The following COMMD1 variants were observed in gnomAD, a reference collection of about 807,000 sequenced individuals.
COMMD1 encodes the protein COMM domain-containing protein 1.
COMMD1 carries 10 observed loss-of-function variants against 17.2 expected under a neutral mutation model. That is an observed-to-expected ratio of 0.58 (90% confidence interval 0.36 to 0.99). COMMD1 has a LOEUF of 0.99. Ranked by LOEUF, COMMD1 falls within the 50% of genes least tolerant of loss-of-function variation. The pLI, the probability that COMMD1 is intolerant of heterozygous loss-of-function variation, is 0.01. For synonymous variants in COMMD1, 97 were observed against 91.6 expected, an observed-to-expected ratio of 1.06 and a Z score of -0.34; for missense variants, 270 against 231.8, an observed-to-expected ratio of 1.17 and a Z score of -1.07.
At chr2:61,937,690 A>G (rs1670639080) in intron 1 of COMMD1, among the ~76,000 whole-genome samples, 1 of 152,212 alleles carries the variant, frequency 6.6e-6, no homozygotes, top group Admixed American at 6.5e-5. Context: ...TCTTGTTTTT[A>G]GTTTTAGTAT....
chr2:62,061,097 T>G (rs1670843321), intron 2 of COMMD1, among the ~76,000 whole-genome samples: 1 of 152,226 alleles, frequency 6.6e-6, no homozygotes. Flanking sequence ...ATTTCCTATC[T>G]GTGTGTTAAT....
At chr2:61,953,654 G>T (rs1383736028) in intron 1 of COMMD1, among the ~76,000 whole-genome samples, 1 of 152,104 alleles carries the variant, frequency 6.6e-6, no homozygotes, top group East Asian at 1.9e-4. Flanking sequence ...ACAGGTGTGA[G>T]CCACTGTGCC....
At chr2:62,076,414 G>A (rs1362317521) in intron 2 of COMMD1, among the ~76,000 whole-genome samples, 1 of 152,128 alleles carries the variant, frequency 6.6e-6, no homozygotes, top group Admixed American at 6.6e-5. Context: ...AGGTAGATAG[G>A]AGACAACAGA....
intron 2 of COMMD1, among the ~76,000 whole-genome samples, chr2:62,057,348 GT>G (rs1007890499): frequency 3.3e-5 from 5 of 151,934 alleles, no homozygotes; most frequent in African/African-American, 1.2e-4. Flanking sequence ...GCATATATCT[GT>G]GTGTGTGTGA....
chr2:62,066,238 T>G (rs947977727), intron 2 of COMMD1, among the ~76,000 whole-genome samples: 1 of 152,156 alleles, frequency 6.6e-6, no homozygotes, highest in African/African-American at 2.4e-5. Flanking sequence ...CCCACTTTTT[T>G]TTTCCCCCAC....
chr2:62,052,591 T>C (rs939947993), intron 2 of COMMD1, among the ~76,000 whole-genome samples: 10 of 152,200 alleles, frequency 6.6e-5, no homozygotes, highest in Admixed American at 6.5e-4. Context: ...CATGAGCTAT[T>C]TGTTAACATA....
At chr2:61,937,974 G>A (rs1471525546) in intron 1 of COMMD1, among the ~76,000 whole-genome samples, 5 of 152,102 alleles carry the variant, frequency 3.3e-5, no homozygotes, top group Admixed American at 2.6e-4. Flanking sequence ...GACAGTCCCT[G>A]GGCTTAGAGG....
At chr2:61,994,956 T>G (rs1337663311) in intron 1 of COMMD1, among the ~76,000 whole-genome samples, 1 of 152,130 alleles carries the variant, frequency 6.6e-6, no homozygotes, top group Non-Finnish European at 1.5e-5. Flanking sequence ...GATAGGGGCA[T>G]AGCAAAGAAG....
At chr2:62,015,271 C>T (rs945552697) in intron 2 of COMMD1, among the ~76,000 whole-genome samples, 2 of 152,182 alleles carry the variant, frequency 1.3e-5, no homozygotes, top group African/African-American at 4.8e-5. Context: ...AATAGAACCA[C>T]ACAATATTTG....
intron 1 of COMMD1, among the ~76,000 whole-genome samples, chr2:61,947,824 C>A (rs962945527): frequency 3.3e-5 from 5 of 150,060 alleles, no homozygotes; most frequent in Non-Finnish European, 7.4e-5. Context: ...GGTAGCTGGG[C>A]TTATAGGCAT....
chr2:62,009,802 TAAAA>T (rs2103827313), intron 2 of COMMD1, among the ~76,000 whole-genome samples: 2 of 151,994 alleles, frequency 1.3e-5, no homozygotes, highest in South Asian at 4.1e-4. Context: ...AAATAAAAAA[TAAAA>T]AAGCTAAGAA....
chr2:62,028,247 T>G (rs1170440887), intron 2 of COMMD1, among the ~76,000 whole-genome samples: 1 of 152,144 alleles, frequency 6.6e-6, no homozygotes, highest in African/African-American at 2.4e-5. Flanking sequence ...TCTGCATAGG[T>G]TTGCAGTAAG....
intron 1 of COMMD1, among the ~76,000 whole-genome samples, chr2:61,956,998 G>A (rs553619325): frequency 6.6e-6 from 1 of 150,690 alleles, no homozygotes; most frequent in South Asian, 2.1e-4. Flanking sequence ...TGATCCACCC[G>A]CCTCGGCCTC....
chr2:61,911,497 G>C (rs1669905848), intron 1 of COMMD1, among the ~76,000 whole-genome samples: 1 of 152,090 alleles, frequency 6.6e-6, no homozygotes, highest in Non-Finnish European at 1.5e-5. Flanking sequence ...TTAGAGACAG[G>C]GACTCACTCT....
At chr2:61,985,633 C>A (rs1241072586) in intron 1 of COMMD1, among the ~76,000 whole-genome samples, 1 of 151,642 alleles carries the variant, frequency 6.6e-6, no homozygotes, top group Admixed American at 6.6e-5. Context: ...TTTTCTGTAT[C>A]CTTTATATCA....
At chr2:61,928,372 G>T (rs1014446066) in intron 1 of COMMD1, among the ~76,000 whole-genome samples, 1 of 151,998 alleles carries the variant, frequency 6.6e-6, no homozygotes, top group Non-Finnish European at 1.5e-5. Context: ...CATTGCCCAG[G>T]CTGTTCTCAA....
intron 2 of COMMD1, among the ~76,000 whole-genome samples, chr2:62,070,782 C>A (rs1671179913): frequency 6.6e-6 from 1 of 152,216 alleles, no homozygotes; most frequent in Non-Finnish European, 1.5e-5. Context: ...ATAATCCCAG[C>A]ACTTTGGGAG....
intron 2 of COMMD1, among the ~76,000 whole-genome samples, chr2:62,027,899 C>G (rs1210240137): frequency 6.6e-6 from 1 of 152,036 alleles, no homozygotes; most frequent in Non-Finnish European, 1.5e-5. Context: ...GTGATCTGCC[C>G]ACCTTGACCT....
At chr2:62,060,517 G>T (rs1670829092) in intron 2 of COMMD1, among the ~76,000 whole-genome samples, 1 of 152,078 alleles carries the variant, frequency 6.6e-6, no homozygotes, top group South Asian at 2.1e-4. Context: ...AGTAGATGAG[G>T]AGATAATAAA....
Sources: gnomAD v4.1 joint callset for allele counts (sites outside exome capture counted in the v4.1 genomes callset) on GRCh38, gnomAD v4.1.1 for gene constraint, MANE v1.5 for transcripts, NCBI Gene and HGNC (gene_info 2026-07-23, HGNC 2026-07-21) for gene names.